Variants in PMS2 observed in about 807,000 individuals in gnomAD.
PMS2 encodes PMS1 homolog 2, mismatch repair system component, also known as mismatch repair endonuclease PMS2.
In PMS2, 69 loss-of-function variants were observed where a neutral mutation model predicts 90.0. The ratio of observed to expected loss-of-function variants is 0.77; its 90% CI spans 0.63 to 0.94. The LOEUF is 0.94. Ranked by LOEUF, PMS2 falls within the 40% of genes least tolerant of loss-of-function variation. PMS2 has a pLI of 0.00. For synonymous variants in PMS2, 332 were observed against 375.1 expected (o/e 0.89, Z 1.33); for missense variants, 966 against 1,040.2 (o/e 0.93, Z 0.98).
chr7:5,994,589 A>C (rs4724767), intron 8 of PMS2, among the ~76,000 whole-genome samples: 150,272 of 151,796 alleles, frequency 0.99, 74,385 homozygotes, highest in Middle Eastern at 1. Flanking sequence ...CTGGCTAACA[A>C]GGTGAAACCC....
chr7:6,000,112 C>T (rs1442379484), intron 5 of PMS2, among the ~76,000 whole-genome samples: 2 of 151,772 alleles, frequency 1.3e-5, no homozygotes, highest in Non-Finnish European at 2.9e-5. Flanking sequence ...TGATGGTTCA[C>T]ACCTGTAATC....
chr7:5,989,666 C>T (rs1453886006), intron 10 of PMS2, 134 bp downstream of exon 10: 6 of 667,370 alleles, frequency 9.0e-6, no homozygotes, highest in East Asian at 2.9e-5. Flanking sequence ...GTCCCTGTCT[C>T]AAAAAAGAAT....
chr7:5,986,829 T>C lies in PMS2; in HGVS notation c.1936A>G (p.Arg646Gly), dbSNP rs369582237. 6.2e-7 allele frequency: 1 copy of C among 1,613,688 alleles called. No individual in the cohort carries two copies. Among genetic ancestry groups the C allele is most frequent in the Non-Finnish European group, 8.5e-7 (1 of 1,179,788 alleles). The part of the protein sequence containing the change: ...AQQSEGEQNY[R>G]KFRAKICPGE... ...GGACAAATCTTTGCCCTAAACTTCC[T>C]GTAATTCTGTTCCCCTTCACTTTGC... Residue 646 changes from arginine to glycine, a missense_variant, in exon 11 of 15, where the codon AGG becomes GGG. Arg to Gly is a moderately radical substitution (Grantham distance 125). This residue lies in a region of PMS2 where 871 missense variants were observed against 802.4 expected (regional missense o/e 1.09). Transcript: ENST00000265849.
intron 7 of PMS2, among the ~76,000 whole-genome samples, chr7:5,996,594 T>C (rs76428720): frequency 1.0e-5 from 1 of 97,246 alleles, no homozygotes; most frequent in Non-Finnish European, 2.2e-5. Flanking sequence ...AAAAAAAATA[T>C]ATATATATAT....
At chr7:5,985,139 C>T (rs1370252198) in intron 11 of PMS2, among the ~76,000 whole-genome samples, 2 of 151,974 alleles carry the variant, frequency 1.3e-5, no homozygotes, top group East Asian at 1.9e-4. Context: ...GCTCTGTCAC[C>T]CAGGCTGGAG....
At position 6,004,056 on chromosome 7, in the gene PMS2, G is replaced by C. The variant is rs371011390; in HGVS notation, c.166C>G (p.Leu56Val). 3.2e-5 allele frequency: 49 copies of C among 1,527,534 alleles called. No homozygotes were observed. Among genetic ancestry groups the C allele is most frequent in the East Asian group, 2.7e-4 (12 of 44,456 alleles). 94.6% of individuals were successfully genotyped at this position (1,527,534 alleles called of 1,614,324 possible). Residue 56 changes from leucine (L) to valine (V), a missense_variant and splice_region_variant, in exon 3 of 15, where the codon CTA becomes GTA. Coordinates refer to ENST00000265849, the MANE Select transcript of PMS2 (RefSeq NM_000535.7). ...SLDAGATNID[L>V]KLKDYGVDLI... ...TCCACTCCATAGTCCTTAAGCTTTA[G>C]ATCTAGAAAGTTTAAAATATTTACA...
chr7:5,977,522 G>C, intron 14 of PMS2, 66 bp downstream of exon 14: 1 of 1,033,774 alleles, frequency 9.7e-7, no homozygotes, highest in Middle Eastern at 2.7e-4. Flanking sequence ...ATCAGGAGCT[G>C]GGCTGAGACC....
chr7:5,993,889 G>GAAAAAAA (rs1784066182), intron 8 of PMS2, among the ~76,000 whole-genome samples: 1 of 115,906 alleles, frequency 8.6e-6, no homozygotes, highest in Non-Finnish European at 2.0e-5. Context: ...AAAAAAAAAG[G>GAAAAAAA]AAATATAGAA....
chr7:5,982,239 CTT>C (rs1306409491), intron 12 of PMS2, among the ~76,000 whole-genome samples: 1 of 151,624 alleles, frequency 6.6e-6, no homozygotes, highest in Non-Finnish European at 1.5e-5. Context: ...GAGTTTCACT[CTT>C]GTTGCCCAGG....
chr7:6,006,410 G>C (rs1050387153), intron 1 of PMS2, among the ~76,000 whole-genome samples: 1 of 152,128 alleles, frequency 6.6e-6, no homozygotes, highest in Non-Finnish European at 1.5e-5. Flanking sequence ...CCAGCACTTT[G>C]GGAAGCAGAG....
chr7:5,979,640 T>A lies in PMS2; in HGVS notation c.2175-944A>T, dbSNP rs1376313063. Among the ~76,000 whole-genome samples, 15 of 143,494 alleles carry A rather than the reference T, an allele frequency of 1.0e-4. 2 individuals carry two copies. The highest frequency in any genetic ancestry group is 2.0e-4 in the Non-Finnish European group (13 of 64,890). The allele number at this position is 143,494 out of a possible 152,430, so 94.1% of individuals were successfully genotyped here. ...TTCCTCTGCCTGTATTATATCTCCA[T>A]CCCTCTCTCCTCCTGGATTTACTGT... On this transcript the variant is annotated intron_variant, in intron 12 of 14. Transcript: ENST00000265849.
intron 1 of PMS2, 40 bp from the exon 2 acceptor site, chr7:6,006,071 C>T: frequency 4.4e-6 from 7 of 1,605,940 alleles, no homozygotes; most frequent in Non-Finnish European, 6.0e-6. Context: ...AAGTATTCAG[C>T]TATATATTTT....
intron 8 of PMS2, among the ~76,000 whole-genome samples, chr7:5,993,370 C>CAAAAAAAAAAAAAAA (rs141290969): frequency 1.4e-5 from 1 of 72,972 alleles, no homozygotes; most frequent in Admixed American, 2.1e-4. Flanking sequence ...GACTCCGTCT[C>CAAAAAAAAAAAAAAA]AAAAAAAAAA....
chr7:5,988,163 G>C (rs990946736), intron 10 of PMS2, among the ~76,000 whole-genome samples: 1 of 150,734 alleles, frequency 6.6e-6, no homozygotes, highest in Non-Finnish European at 1.5e-5. Flanking sequence ...TCAGGATCAA[G>C]AGGAATGCCT....
chr7:6,002,371 C>T, intron 5 of PMS2, 82 bp downstream of exon 5: 1 of 900,268 alleles, frequency 1.1e-6, no homozygotes, highest in Non-Finnish European at 1.8e-6. Flanking sequence ...AGAGAATCAA[C>T]TGAAGAATAA....
intron 10 of PMS2, among the ~76,000 whole-genome samples, chr7:5,989,013 G>A (rs779759617): frequency 7.9e-5 from 12 of 151,410 alleles, no homozygotes; most frequent in South Asian, 4.2e-4. Flanking sequence ...CCGCCACCAC[G>A]CCCGGCTAAT....
At chr7:6,001,001 A>AG (rs1273802711) in intron 5 of PMS2, among the ~76,000 whole-genome samples, 14 of 152,186 alleles carry the variant, frequency 9.2e-5, no homozygotes, top group Non-Finnish European at 1.8e-4. Flanking sequence ...CTAAAAAAAA[A>AG]GAAAGTTAAA....
rs1784325399 is a variant in PMS2 at position 5,995,690 on chromosome 7, C to T, written c.804-57G>A. 9 of 1,136,560 alleles carry T rather than the reference C, an allele frequency of 7.9e-6. No individual in the cohort carries two copies. Among genetic ancestry groups the T allele is most frequent in the East Asian group, 7.0e-5 (3 of 42,754 alleles). The allele number at this position is 1,136,560 out of a possible 1,614,324, so 70.4% of individuals were successfully genotyped here. On this transcript the variant is annotated intron_variant, in intron 7 of 14. Transcript: ENST00000265849. ...TCCAGAGTGAAAGGGATTAGAAATA[C>T]GATCACATGGCACATTCTTAAAGTG... is the stretch of plus-strand genomic sequence containing the variant.
At chr7:6,002,366 A>C (rs1193763670) in intron 5 of PMS2, 87 bp downstream of exon 5, 2 of 868,262 alleles carry the variant, frequency 2.3e-6, no homozygotes, top group Non-Finnish European at 3.9e-6. Context: ...TGGGAAGAGA[A>C]TCAACTGAAG....
Sources: gnomAD v4.1 joint callset for allele counts (sites outside exome capture counted in the v4.1 genomes callset) on GRCh38, gnomAD v4.1.1 for gene constraint, gnomAD v4.1.1 regional missense constraint, MANE v1.5 for transcripts, NCBI Gene and HGNC (gene_info 2026-07-23, HGNC 2026-07-21) for gene names.